ZFY: variants seen among roughly 807,000 people sequenced by gnomAD.
ZFY encodes zinc finger protein Y-linked.
For missense variants in ZFY, 113 were observed against 170.9 expected (o/e 0.66, Z 1.89); for synonymous variants, 47 against 55.8 (o/e 0.84, Z 0.71).
chrY:2,964,750 G>A (rs2051321013), intron 3 of ZFY, among the ~76,000 whole-genome samples: 1 of 33,189 alleles, frequency 3.0e-5, no homozygotes, highest in African/African-American at 1.2e-4. Context: ...GAGCAGTCAC[G>A]GAAGATAACA....
chrY:2,957,033 T>A, intron 2 of ZFY, among the ~76,000 whole-genome samples: 1 of 33,105 alleles, frequency 3.0e-5, no homozygotes, highest in Non-Finnish European at 7.5e-5. Flanking sequence ...TTTAAGCCCT[T>A]ACAAGCAGTG....
intron 1 of ZFY, among the ~76,000 whole-genome samples, chrY:2,939,149 C>T (rs2124498162): frequency 1.7e-4 from 5 of 29,597 alleles, no homozygotes; most frequent in African/African-American, 5.2e-4. Flanking sequence ...CATATTACTT[C>T]ATTACTTAAT....
intron 1 of ZFY, among the ~76,000 whole-genome samples, chrY:2,939,021 AT>A (rs2051231898): frequency 3.1e-4 from 6 of 19,368 alleles, no homozygotes; most frequent in African/African-American, 9.4e-4. Context: ...ATATATATAT[AT>A]AAATAAATAA....
At chrY:2,938,992 TA>T (rs2051228754) in intron 1 of ZFY, among the ~76,000 whole-genome samples, 1 of 13,977 alleles carries the variant, frequency 7.2e-5, no homozygotes, top group Non-Finnish European at 1.6e-4. Flanking sequence ...CTTATATATA[TA>T]TATATATATA....
At chrY:2,969,188 A>G (rs2051340400) in intron 3 of ZFY, among the ~76,000 whole-genome samples, 1 of 33,693 alleles carries the variant, frequency 3.0e-5, no homozygotes, top group Admixed American at 2.7e-4. Context: ...GGAAGTATTA[A>G]ATAAGTTTAG....
intron 1 of ZFY, among the ~76,000 whole-genome samples, chrY:2,945,004 C>A (rs2051257897): frequency 2.6e-3 from 83 of 31,632 alleles, no homozygotes; most frequent in Non-Finnish European, 5.8e-3. Context: ...GCCTTGGTCT[C>A]CCAAAGTGCT....
At chrY:2,939,009 ATATATAT>A (rs2051229601) in intron 1 of ZFY, among the ~76,000 whole-genome samples, 2 of 19,740 alleles carry the variant, frequency 1.0e-4, no homozygotes, top group Admixed American at 4.4e-4. Flanking sequence ...ATATATATAT[ATATATAT>A]ATATATAAAT....
chrY:2,945,533 C>T, intron 1 of ZFY, among the ~76,000 whole-genome samples: 1 of 31,315 alleles, frequency 3.2e-5, no homozygotes, highest in African/African-American at 1.3e-4. Flanking sequence ...TGGAGTAGTA[C>T]GATGTCGGCT....
At chrY:2,955,166 A>C in intron 2 of ZFY, among the ~76,000 whole-genome samples, 1 of 33,198 alleles carries the variant, frequency 3.0e-5, no homozygotes, top group Admixed American at 2.8e-4. Context: ...TATAAGGATT[A>C]GTTTATGGAC....
intron 1 of ZFY, among the ~76,000 whole-genome samples, chrY:2,953,251 A>AT (rs2051283511): frequency 3.3e-5 from 1 of 30,195 alleles, no homozygotes; most frequent in East Asian, 8.6e-4. Context: ...AGGGGTGAGC[A>AT]TTGCTTGAGC....
At chrY:2,965,026 A>T (rs1603311578) in intron 3 of ZFY, among the ~76,000 whole-genome samples, 5 of 32,064 alleles carry the variant, frequency 1.6e-4, no homozygotes, top group East Asian at 7.9e-4. Context: ...TGACTCAAAA[A>T]TTTTTTTTTC....
At chrY:2,949,533 G>C in intron 1 of ZFY, among the ~76,000 whole-genome samples, 1 of 30,269 alleles carries the variant, frequency 3.3e-5, no homozygotes, top group Non-Finnish European at 7.9e-5. Flanking sequence ...CCTTTATCGA[G>C]ATTATTTTAG....
chrY:2,971,088 G>T (rs2051346787), intron 3 of ZFY, among the ~76,000 whole-genome samples: 1 of 33,347 alleles, frequency 3.0e-5, no homozygotes, highest in East Asian at 7.8e-4. Context: ...CTGATTCAAG[G>T]CTTCATTATC....
At chrY:2,941,934 CTGTG>C (rs376986249) in intron 1 of ZFY, among the ~76,000 whole-genome samples, 8 of 27,432 alleles carry the variant, frequency 2.9e-4, no homozygotes, top group Admixed American at 2.1e-3. Context: ...CCAATATAAA[CTGTG>C]TGTGTGTGTG....
At chrY:2,940,899 T>G (rs2051239870) in intron 1 of ZFY, among the ~76,000 whole-genome samples, 1 of 33,237 alleles carries the variant, frequency 3.0e-5, no homozygotes, top group African/African-American at 1.2e-4. Flanking sequence ...TGTGGTAGAG[T>G]TTTCATGAGT....
At chrY:2,965,304 CTAATTTTTTTT>C (rs1284651405) in intron 3 of ZFY, among the ~76,000 whole-genome samples, 13 of 30,788 alleles carry the variant, frequency 4.2e-4, no homozygotes, top group Admixed American at 1.8e-3. Flanking sequence ...CACAGCCCAG[CTAATTTTTTTT>C]TAATTTTTTT....
At chrY:2,956,256 A>G in intron 2 of ZFY, among the ~76,000 whole-genome samples, 2 of 32,359 alleles carry the variant, frequency 6.2e-5, no homozygotes, top group Non-Finnish European at 1.5e-4. Context: ...ATGGAAGACA[A>G]TTTTTCCAGA....
At chrY:2,978,344 A>G in intron 7 of ZFY, among the ~76,000 whole-genome samples, 1 of 33,773 alleles carries the variant, frequency 3.0e-5, no homozygotes, top group African/African-American at 1.2e-4. Flanking sequence ...ACTAGCATAA[A>G]GCAGGTATAA....
intron 1 of ZFY, among the ~76,000 whole-genome samples, chrY:2,949,764 C>T: frequency 1.9e-4 from 5 of 26,305 alleles, no homozygotes; most frequent in African/African-American, 7.6e-4. Flanking sequence ...ATGAGAGGAT[C>T]GCTTGAGCGT....
Sources: gnomAD v4.1 joint callset for allele counts (sites outside exome capture counted in the v4.1 genomes callset) on GRCh38, gnomAD v4.1.1 for gene constraint, MANE v1.5 for transcripts, NCBI Gene and HGNC (gene_info 2026-07-23, HGNC 2026-07-21) for gene names.